CIMIP5: variants seen among roughly 807,000 people sequenced by gnomAD.
CIMIP5 encodes uncharacterized protein C2orf50.
the CIMIP5 span, among the ~76,000 whole-genome samples, chr2:11,148,708 A>T: frequency 6.7e-6 from 1 of 149,848 alleles, no homozygotes; most frequent in East Asian, 2.0e-4. Context: ...TAATTTTTTT[A>T]AATTTTAAGT....
chr2:11,147,781 C>T, the CIMIP5 span, among the ~76,000 whole-genome samples: 2 of 139,944 alleles, frequency 1.4e-5, no homozygotes, highest in African/African-American at 3.4e-5. Context: ...CTGCTCCTTG[C>T]CACATCTGCC....
the CIMIP5 span, among the ~76,000 whole-genome samples, chr2:11,135,354 C>T: frequency 1.4e-4 from 22 of 152,186 alleles, no homozygotes; most frequent in African/African-American, 4.8e-4. Context: ...CACACGCTGG[C>T]CAACACTCAT....
chr2:11,133,310 G>GCA, the CIMIP5 span: 3,530 of 1,344,718 alleles, frequency 2.6e-3, 18 homozygotes, highest in African/African-American at 0.026. Flanking sequence ...TGACACAAGC[G>GCA]CACACACACA....
chr2:11,151,120 T>C, the CIMIP5 span, among the ~76,000 whole-genome samples: 1 of 152,202 alleles, frequency 6.6e-6, no homozygotes, highest in Non-Finnish European at 1.5e-5. Flanking sequence ...ATGCAAGCTT[T>C]TGTCTCTTAT....
At chr2:11,137,000 G>A in the CIMIP5 span, among the ~76,000 whole-genome samples, 1 of 152,240 alleles carries the variant, frequency 6.6e-6, no homozygotes, top group Non-Finnish European at 1.5e-5. Flanking sequence ...AAAGAGGAAT[G>A]TGCAAGGCAG....
chr2:11,133,692 G>T, the CIMIP5 span: 1 of 1,464,580 alleles, frequency 6.8e-7, no homozygotes. Flanking sequence ...TGATCTGGCT[G>T]AGGGACAGAG....
the CIMIP5 span, among the ~76,000 whole-genome samples, chr2:11,141,586 A>AAG: frequency 6.6e-6 from 1 of 152,204 alleles, no homozygotes; most frequent in East Asian, 1.9e-4. Context: ...GCTTGACCAG[A>AAG]TCACTCCTTC....
chr2:11,146,469 G>C, the CIMIP5 span: 1 of 152,156 alleles, frequency 6.6e-6, no homozygotes, highest in Non-Finnish European at 1.5e-5. Context: ...TCTTGAGAAA[G>C]GAAAAACTGA....
the CIMIP5 span, among the ~76,000 whole-genome samples, chr2:11,140,975 C>G: frequency 0.34 from 51,449 of 151,960 alleles, 10,791 homozygotes; most frequent in South Asian, 0.51. Context: ...ACTAATTTCC[C>G]TAAACGGCAG....
chr2:11,133,627 G>A, the CIMIP5 span: 1 of 1,552,276 alleles, frequency 6.4e-7, no homozygotes, highest in Non-Finnish European at 8.7e-7. Context: ...CCCTGACTCC[G>A]CAGCCTGACT....
chr2:11,149,334 G>A, the CIMIP5 span, among the ~76,000 whole-genome samples: 2 of 151,392 alleles, frequency 1.3e-5, no homozygotes, highest in Non-Finnish European at 2.9e-5. Context: ...AAAGTAACTA[G>A]AATATAATCA....
At chr2:11,133,362 C>T in the CIMIP5 span, 2 of 1,609,920 alleles carry the variant, frequency 1.2e-6, no homozygotes, top group Non-Finnish European at 1.7e-6. Context: ...CCCTGGGCTC[C>T]AGAGAACCAC....
the CIMIP5 span, among the ~76,000 whole-genome samples, chr2:11,147,671 G>A: frequency 5.3e-5 from 8 of 152,212 alleles, no homozygotes; most frequent in African/African-American, 1.9e-4. Context: ...CAACAGAACT[G>A]TGCAGGCACA....
the CIMIP5 span, chr2:11,133,587 C>T: frequency 6.3e-6 from 10 of 1,598,346 alleles, no homozygotes; most frequent in South Asian, 8.8e-5. Context: ...GGGCCAGCAG[C>T]GCTGGTGAGT....
the CIMIP5 span, among the ~76,000 whole-genome samples, chr2:11,151,520 G>C: frequency 6.6e-6 from 1 of 152,234 alleles, no homozygotes; most frequent in Non-Finnish European, 1.5e-5. Context: ...ATCAAGACAG[G>C]GGAAAGAGCA....
At chr2:11,148,730 CTCTTTTTTTTTTT>C in the CIMIP5 span, among the ~76,000 whole-genome samples, 3 of 63,860 alleles carry the variant, frequency 4.7e-5, no homozygotes. Context: ...CTAATGAAAA[CTCTTTTTTTTTTT>C]TTTTTTTTTG....
At chr2:11,135,646 G>GT in the CIMIP5 span, among the ~76,000 whole-genome samples, 5 of 114,226 alleles carry the variant, frequency 4.4e-5, no homozygotes, top group African/African-American at 1.4e-4. Flanking sequence ...GGCCAGGCTG[G>GT]TTTTTTTTGG....
the CIMIP5 span, chr2:11,144,039 CA>C: frequency 6.0e-5 from 97 of 1,606,604 alleles, no homozygotes; most frequent in Middle Eastern, 1.6e-4. Flanking sequence ...GACAGACTCT[CA>C]TCCGCATGGA....
At chr2:11,150,967 G>A in the CIMIP5 span, among the ~76,000 whole-genome samples, 1 of 152,080 alleles carries the variant, frequency 6.6e-6, no homozygotes, top group African/African-American at 2.4e-5. Flanking sequence ...AACAGGTGCA[G>A]GACAGAAAAT....
Sources: gnomAD v4.1 joint callset for allele counts (sites outside exome capture counted in the v4.1 genomes callset) on GRCh38, gnomAD v4.1.1 for gene constraint, MANE v1.5 for transcripts, NCBI Gene and HGNC (gene_info 2026-07-23, HGNC 2026-07-21) for gene names.